Variants in CRYBG3 observed in about 807,000 individuals in gnomAD.
CRYBG3 encodes the protein crystallin beta-gamma domain containing 3, also known as very large A-kinase anchor protein.
In CRYBG3, 127 loss-of-function variants were observed where a neutral mutation model predicts 244.2. That is an observed-to-expected ratio of 0.52 (90% CI 0.45 to 0.60). The LOEUF (loss-of-function observed/expected upper bound fraction) is 0.60. Ranked by LOEUF, CRYBG3 falls within the 20% of genes least tolerant of loss-of-function variation. The pLI is 0.00. For synonymous variants in CRYBG3, 1,132 were observed against 1,195.8 expected, an observed-to-expected ratio of 0.95 and a Z score of 1.10; for missense variants, 3,325 against 3,442.5, an observed-to-expected ratio of 0.97 and a Z score of 0.85.
At position 97,877,623 on chromosome 3, in the gene CRYBG3, A is replaced by G. The variant is rs781148931; in HGVS notation, c.6429A>G (p.Arg2143=). 46 of 1,613,960 alleles carry G rather than the reference A, an allele frequency of 2.9e-5. No homozygotes were observed. The highest frequency in any genetic ancestry group is 3.9e-5 in the Non-Finnish European group (46 of 1,179,978). The change falls in exon 4 of 22, where the codon AGA becomes AGG. Residue 2143 remains arginine (R), a synonymous_variant. Coordinates refer to ENST00000389622, the MANE Select transcript of CRYBG3 (RefSeq NM_153605.4). ...AGATGAATTTTGATGAAGATGACAG[A>G]GAGGCAGCTGATGAGGAAGAAGAGG... The part of the protein sequence containing the change: ...RLKMNFDEDD[R]EAADEEEEEE...
In CRYBG3 at chr3:97,921,144, C is replaced by T. The variant is rs954309088; in HGVS notation, c.8241+5408C>T. On this transcript the variant is annotated intron_variant, in intron 17 of 21. Transcript: ENST00000389622. ...TCTATTTTGTGTTTTTATGTGGAAA[C>T]ATAGAATGAAGTTTTTCTTTCCCCT... 5.4e-5 allele frequency among the ~76,000 whole-genome samples: 7 copies of T among 128,592 alleles called. No homozygotes were observed. The East Asian group carries it at 1.9e-3, about 36-fold the overall frequency. The allele number at this position is 128,592 out of a possible 152,430, so 84.4% of individuals were successfully genotyped here. A position where few individuals can be genotyped will look rare whatever the true frequency, so the allele number is the denominator to read the frequency against.
At chr3:97,878,405 G>A (rs926843999) in intron 4 of CRYBG3, among the ~76,000 whole-genome samples, 3 of 152,146 alleles carry the variant, frequency 2.0e-5, no homozygotes, top group East Asian at 1.9e-4. Flanking sequence ...GTGAGACTCC[G>A]TCTCAAACAA....
intron 18 of CRYBG3, among the ~76,000 whole-genome samples, chr3:97,934,424 G>A (rs1404605841): frequency 3.9e-5 from 6 of 152,030 alleles, no homozygotes; most frequent in Non-Finnish European, 1.5e-5. Context: ...TGGAAAATCT[G>A]CCTCTGAATC....
chr3:97,938,738 A>C (rs2040190846), intron 19 of CRYBG3, among the ~76,000 whole-genome samples: 1 of 152,040 alleles, frequency 6.6e-6, no homozygotes, highest in Non-Finnish European at 1.5e-5. Context: ...ATGTATATGA[A>C]CAGTCTGATA....
intron 17 of CRYBG3, chr3:97,933,358 C>A (rs1183169902): frequency 5.4e-6 from 2 of 369,486 alleles, no homozygotes; most frequent in East Asian, 1.4e-4. Context: ...CTGTTGCCAG[C>A]TAAAAGCATT....
chr3:97,918,709 A>C (rs2039952985), intron 17 of CRYBG3, among the ~76,000 whole-genome samples: 1 of 152,194 alleles, frequency 6.6e-6, no homozygotes, highest in African/African-American at 2.4e-5. Context: ...AGACAGTTGC[A>C]TGGCCTCCAC....
At chr3:97,829,854 TG>T (rs1559710985) in intron 1 of CRYBG3, among the ~76,000 whole-genome samples, 1 of 152,176 alleles carries the variant, frequency 6.6e-6, no homozygotes, top group Non-Finnish European at 1.5e-5. Context: ...CAAGGTAACA[TG>T]TAGGGGACTG....
chr3:97,933,937 CT>C, intron 18 of CRYBG3, 104 bp downstream of exon 18: 6 of 896,496 alleles, frequency 6.7e-6, no homozygotes, highest in Non-Finnish European at 6.8e-6. Context: ...TTCAAGTGGT[CT>C]TGAGGAAGAG....
chr3:97,941,960 A>T, intron 20 of CRYBG3: 1 of 179,630 alleles, frequency 5.6e-6, no homozygotes, highest in Admixed American at 6.2e-5. Context: ...ACCAAGCTCA[A>T]CATAATACGT....
chr3:97,921,057 A>G (rs1482497767), intron 17 of CRYBG3, among the ~76,000 whole-genome samples: 1 of 151,664 alleles, frequency 6.6e-6, no homozygotes, highest in Admixed American at 6.6e-5. Flanking sequence ...TTGCTCAATC[A>G]TTTTCATGTA....
intron 8 of CRYBG3, 89 bp downstream of exon 8, chr3:97,886,856 C>G (rs1467011460): frequency 1.7e-6 from 2 of 1,156,140 alleles, no homozygotes; most frequent in African/African-American, 3.1e-5. Context: ...AAGTTTCTAG[C>G]TAATGTTTAT....
At chr3:97,846,030 G>C (rs2038896158) in intron 2 of CRYBG3, among the ~76,000 whole-genome samples, 1 of 152,124 alleles carries the variant, frequency 6.6e-6, no homozygotes, top group Non-Finnish European at 1.5e-5. Context: ...TGGCGCACGT[G>C]TCATGGATGC....
In CRYBG3 at chr3:97,877,852, C is replaced by T; in HGVS notation, c.6658C>T (p.Leu2220Phe). The T allele has an allele frequency of 6.2e-7, 1 of 1,614,064 alleles. No individual in the cohort carries two copies. Among genetic ancestry groups the T allele is most frequent in the South Asian group, 1.1e-5 (1 of 91,064 alleles). The change falls in exon 4 of 22, where the codon CTC (leucine) becomes TTC (phenylalanine). Residue 2220 changes from leucine (L) to phenylalanine (F), a missense_variant. By Grantham distance (22) the Leu-to-Phe change is conservative. Around this residue, in one of 4 missense-constraint regions of CRYBG3, gnomAD observed 450 missense variants for 424.1 expected, o/e 1.06. Coordinates refer to ENST00000389622, the MANE Select transcript of CRYBG3 (RefSeq NM_153605.4). Reference protein sequence around the residue: ...VGLWPEKTSFLQKSDLTSKLH... With the variant: ...VGLWPEKTSFFQKSDLTSKLH... The stretch of plus-strand genomic sequence containing the variant: ...TCTGTGGCCAGAAAAGACCTCGTTT[C>T]TCCAGAAATCTGACCTTACTTCTAA...
In CRYBG3 at chr3:97,915,680, C is replaced by T. The variant is rs767041406; in HGVS notation, c.8185C>T (p.Leu2729Phe). ...GTTAGAAGAAGGCCTCTATGCTGAC[C>T]TTACTTCCTGCGGTTGCCCAGCATC... is the stretch of plus-strand genomic sequence containing the variant. ...CVLEEGLYADLTSCGCPASKV... is the reference protein window; with the variant it reads ...CVLEEGLYADFTSCGCPASKV... Residue 2729 changes from leucine (L) to phenylalanine (F), a missense_variant, in exon 17 of 22, where the codon CTT (leucine) becomes TTT (phenylalanine). Physicochemically the swap from Leu to Phe is conservative, Grantham distance 22. Around this residue, in one of 4 missense-constraint regions of CRYBG3, gnomAD observed 714 missense variants for 803.6 expected, o/e 0.89. Coordinates refer to ENST00000389622, the MANE Select transcript of CRYBG3 (RefSeq NM_153605.4). 6.2e-7 allele frequency: 1 copy of T among 1,613,020 alleles called. No homozygotes were observed. Among genetic ancestry groups the T allele is most frequent in the South Asian group, 1.1e-5 (1 of 91,008 alleles).
At chr3:97,910,795 A>G (rs2039863219) in intron 15 of CRYBG3, among the ~76,000 whole-genome samples, 1 of 152,170 alleles carries the variant, frequency 6.6e-6, no homozygotes, top group Admixed American at 6.5e-5. Context: ...TTTTAAAGAT[A>G]TTTCTATGCA....
intron 1 of CRYBG3, among the ~76,000 whole-genome samples, chr3:97,833,454 T>C (rs1184245809): frequency 1.3e-5 from 2 of 151,964 alleles, no homozygotes; most frequent in Non-Finnish European, 2.9e-5. Context: ...CAGCAAACTA[T>C]CACAAGAACA....
intron 17 of CRYBG3, among the ~76,000 whole-genome samples, chr3:97,928,645 A>G (rs1280906458): frequency 1.3e-5 from 2 of 152,044 alleles, no homozygotes; most frequent in African/African-American, 4.8e-5. Flanking sequence ...TCAAATTTTA[A>G]ACAGTAATAT....
Position 97,941,143 on chromosome 3 carries a change from C to CATAGAG in CRYBG3, c.8506-1_8506insAGATAG. The stretch of plus-strand genomic sequence containing the variant: ...ATTTCTAAATGGCTGTTTCTCCTGT[C>CATAGAG]ATAGCCTGCAGTGTACATCAGAATA... On this transcript the variant is annotated splice_region_variant and splice_polypyrimidine_tract_variant and intron_variant, in intron 19 of 21. Coordinates refer to ENST00000389622, the MANE Select transcript of CRYBG3 (RefSeq NM_153605.4). The CATAGAG allele has an allele frequency of 1.3e-6, 2 of 1,597,690 alleles. No individual in the cohort carries two copies. The highest frequency in any genetic ancestry group is 1.7e-6 in the Non-Finnish European group (2 of 1,172,422).
chr3:97,878,311 T>C lies in CRYBG3; in HGVS notation c.6843+274T>C, dbSNP rs544824915. On this transcript the variant is annotated intron_variant, in intron 4 of 21. Coordinates refer to ENST00000389622, the MANE Select transcript of CRYBG3 (RefSeq NM_153605.4). ...CTGTAATCCTAGCTACTGGGGAGGC[T>C]GAGGCAGAGAATGGCTTGAACCTGG... Among the ~76,000 whole-genome samples, 241 of 152,264 alleles carry C rather than the reference T, an allele frequency of 1.6e-3. 1 individual carries two copies. Among genetic ancestry groups the C allele is most frequent in the Admixed American group, 6.5e-4 (10 of 15,294 alleles).
Sources: gnomAD v4.1 joint callset for allele counts (sites outside exome capture counted in the v4.1 genomes callset) on GRCh38, gnomAD v4.1.1 for gene constraint, gnomAD v4.1.1 regional missense constraint, MANE v1.5 for transcripts, NCBI Gene and HGNC (gene_info 2026-07-23, HGNC 2026-07-21) for gene names.